Variants in AGBL4 observed in about 807,000 individuals in gnomAD.
The protein encoded by AGBL4 is cytosolic carboxypeptidase 6.
In AGBL4, 58 loss-of-function variants were observed where a neutral mutation model predicts 66.4. The ratio of observed to expected loss-of-function variants is 0.87; its 90% CI spans 0.71 to 1.09. The LOEUF is 1.09. AGBL4 is among the 50% of genes least tolerant of loss of function. The probability of loss-of-function intolerance (pLI) is 0.00; values close to 1 mark genes in which losing one functional copy is unlikely to be tolerated. For synonymous variants in AGBL4, 234 were observed against 222.9 expected, an observed-to-expected ratio of 1.05 and a Z score of -0.44; for missense variants, 579 against 631.0, an observed-to-expected ratio of 0.92 and a Z score of 0.88.
intron 4 of AGBL4, among the ~76,000 whole-genome samples, chr1:49,191,668 G>A (rs1242842257): frequency 2.0e-5 from 3 of 152,056 alleles, no homozygotes. Flanking sequence ...TTATGTTCAT[G>A]AATACTCAAT....
At chr1:49,677,160 GTCTC>G (rs1169125910) in intron 3 of AGBL4, among the ~76,000 whole-genome samples, 2 of 151,356 alleles carry the variant, frequency 1.3e-5, no homozygotes, top group African/African-American at 4.8e-5. Flanking sequence ...TACTTACTTA[GTCTC>G]TCTCTCTCTC....
At position 48,775,493 on chromosome 1, in the gene AGBL4, T is replaced by C. The variant is rs926845779; in HGVS notation, c.634+91698A>G. 2.6e-5 allele frequency among the ~76,000 whole-genome samples: 4 copies of C among 152,312 alleles called. No individual in the cohort carries two copies. In the East Asian group the frequency reaches 5.8e-4, roughly 22 times the overall value. Reference sequence around the variant, plus strand: ...TCTTCATTCAGTCACTAACCCTTCGTGTTCTTTCTGGTAGAAGGCAGGAAC... The same window carrying C: ...TCTTCATTCAGTCACTAACCCTTCGCGTTCTTTCTGGTAGAAGGCAGGAAC... On this transcript the variant is annotated intron_variant, in intron 6 of 13. Transcript: ENST00000371839.
chr1:48,649,800 G>C (rs543617476), intron 8 of AGBL4, among the ~76,000 whole-genome samples: 2 of 152,312 alleles, frequency 1.3e-5, no homozygotes, highest in South Asian at 4.1e-4. Flanking sequence ...GGAAGAGAAG[G>C]AGGAATAAAT....
chr1:49,408,423 T>A (rs2148622920), intron 3 of AGBL4, among the ~76,000 whole-genome samples: 1 of 152,318 alleles, frequency 6.6e-6, no homozygotes, highest in South Asian at 2.1e-4. Context: ...ATACTGAGCA[T>A]CAACTTGATT....
At chr1:49,697,142 G>A in intron 3 of AGBL4, 171 bp downstream of exon 3, 1 of 637,104 alleles carries the variant, frequency 1.6e-6, no homozygotes, top group Non-Finnish European at 2.5e-6. Context: ...GATAACAAAA[G>A]TCAACATATT....
intron 3 of AGBL4, among the ~76,000 whole-genome samples, chr1:49,562,082 GT>G (rs1178878408): frequency 1.3e-5 from 2 of 152,132 alleles, no homozygotes; most frequent in African/African-American, 4.8e-5. Context: ...TTTTTCAGGT[GT>G]TTTTTGGCTG....
At chr1:48,942,358 G>A (rs188396552) in intron 5 of AGBL4, among the ~76,000 whole-genome samples, 1 of 152,084 alleles carries the variant, frequency 6.6e-6, no homozygotes, top group African/African-American at 2.4e-5. Flanking sequence ...AGCCAGACTG[G>A]TCTGGATTTG....
chr1:49,456,936 C>T (rs1646403052), intron 3 of AGBL4, among the ~76,000 whole-genome samples: 1 of 151,098 alleles, frequency 6.6e-6, no homozygotes. Flanking sequence ...ATATTCCATG[C>T]TATATATATA....
chr1:49,288,719 G>A (rs1345543383), intron 3 of AGBL4, among the ~76,000 whole-genome samples: 1 of 152,144 alleles, frequency 6.6e-6, no homozygotes, highest in Non-Finnish European at 1.5e-5. Context: ...GAAAATTGTG[G>A]TAAATACCCA....
intron 6 of AGBL4, among the ~76,000 whole-genome samples, chr1:48,845,910 T>G (rs550299260): frequency 1.2e-4 from 19 of 152,310 alleles, no homozygotes; most frequent in African/African-American, 4.6e-4. Context: ...CAAAAGTACT[T>G]AGAACAGTGC....
intron 3 of AGBL4, among the ~76,000 whole-genome samples, chr1:49,402,180 T>C (rs542911503): frequency 6.6e-6 from 1 of 152,304 alleles, no homozygotes; most frequent in East Asian, 1.9e-4. Flanking sequence ...TTCATTTATT[T>C]CTGCTCTGAT....
chr1:49,170,260 A>C (rs1646711835), intron 4 of AGBL4, among the ~76,000 whole-genome samples: 2 of 145,298 alleles, frequency 1.4e-5, no homozygotes, highest in Non-Finnish European at 3.0e-5. Flanking sequence ...ATATATTATA[A>C]ATTTATATTC....
At chr1:49,495,731 A>G (rs933215487) in intron 3 of AGBL4, among the ~76,000 whole-genome samples, 1 of 152,034 alleles carries the variant, frequency 6.6e-6, no homozygotes, top group Non-Finnish European at 1.5e-5. Flanking sequence ...CATTGATTTA[A>G]AAAAAGGGGA....
At chr1:49,460,387 G>A (rs72684895) in intron 3 of AGBL4, among the ~76,000 whole-genome samples, 3,433 of 151,334 alleles carry the variant, frequency 0.023, 55 homozygotes, top group Non-Finnish European at 0.036. Context: ...AAGTTTTTTT[G>A]TCTGATATAA....
intron 3 of AGBL4, among the ~76,000 whole-genome samples, chr1:49,386,377 G>C (rs1644737204): frequency 2.0e-5 from 3 of 151,700 alleles, no homozygotes. Context: ...TAATTGCAAA[G>C]ACTATGCATG....
intron 3 of AGBL4, among the ~76,000 whole-genome samples, chr1:49,392,524 G>A (rs957087648): frequency 3.9e-5 from 6 of 152,178 alleles, no homozygotes; most frequent in African/African-American, 1.4e-4. Flanking sequence ...TGAGGCACAG[G>A]CCAGGCAATG....
At chr1:49,658,309 T>A (rs1407432144) in intron 3 of AGBL4, among the ~76,000 whole-genome samples, 1 of 152,208 alleles carries the variant, frequency 6.6e-6, no homozygotes, top group Non-Finnish European at 1.5e-5. Flanking sequence ...CACAATGAGA[T>A]ATCATCTCAC....
chr1:49,905,189 C>A (rs2148198124), intron 1 of AGBL4, among the ~76,000 whole-genome samples: 1 of 152,198 alleles, frequency 6.6e-6, no homozygotes, highest in East Asian at 1.9e-4. Flanking sequence ...AAATGTTTCT[C>A]TAATATTTTT....
At chr1:48,968,909 T>G (rs377211772) in intron 5 of AGBL4, among the ~76,000 whole-genome samples, 2 of 152,256 alleles carry the variant, frequency 1.3e-5, no homozygotes, top group East Asian at 3.9e-4. Context: ...AGAATATATG[T>G]AGAAAATACC....
Sources: gnomAD v4.1 joint callset for allele counts (sites outside exome capture counted in the v4.1 genomes callset) on GRCh38, gnomAD v4.1.1 for gene constraint, MANE v1.5 for transcripts, NCBI Gene and HGNC (gene_info 2026-07-23, HGNC 2026-07-21) for gene names.